Variants in AFF2 observed in about 807,000 individuals in gnomAD.
AFF2 encodes the protein ALF transcription elongation factor 2, also known as AF4/FMR2 family member 2.
In AFF2, 14 loss-of-function variants were observed where a neutral mutation model predicts 76.9. That is an observed-to-expected ratio of 0.18 (90% CI 0.12 to 0.28). The LOEUF is 0.28. Among genes scored for constraint, AFF2 ranks in the 10% least tolerant of loss-of-function variants. The pLI, the probability that AFF2 is intolerant of heterozygous loss-of-function variation, is 1.00. For synonymous variants in AFF2, 398 were observed against 366.7 expected (o/e 1.09, Z -0.98); for missense variants, 868 against 1,001.1 (o/e 0.87, Z 1.79).
chrX:148,834,661 T>A (rs1174426690), intron 4 of AFF2, among the ~76,000 whole-genome samples: 4 of 111,324 alleles, frequency 3.6e-5, no homozygotes, highest in African/African-American at 1.3e-4. Context: ...GGCTCATCCC[T>A]ACCTGATGAC....
At chrX:148,901,255 C>T (rs1235999759) in intron 8 of AFF2, among the ~76,000 whole-genome samples, 2 of 111,675 alleles carry the variant, frequency 1.8e-5, no homozygotes, top group Non-Finnish European at 3.8e-5. Flanking sequence ...TCTCATCACA[C>T]CATACTGGAG....
chrX:148,588,853 C>A (rs1310576274), intron 1 of AFF2, among the ~76,000 whole-genome samples: 1 of 111,533 alleles, frequency 9.0e-6, no homozygotes, highest in Non-Finnish European at 1.9e-5. Flanking sequence ...ACTTGTAGAA[C>A]CGCAAAAACA....
At chrX:148,549,946 C>T (rs782063037) in intron 1 of AFF2, among the ~76,000 whole-genome samples, 183 of 111,656 alleles carry the variant, frequency 1.6e-3, no homozygotes, top group Non-Finnish European at 1.9e-3. Flanking sequence ...AGATTTCTCC[C>T]GCCCCATACA....
At chrX:148,700,689 G>GTT (rs1177379449) in intron 3 of AFF2, among the ~76,000 whole-genome samples, 1 of 110,587 alleles carries the variant, frequency 9.0e-6, no homozygotes, top group East Asian at 2.8e-4. Flanking sequence ...TGTTGTTGTT[G>GTT]TTGTTTAGAA....
At chrX:148,970,339 A>T (rs2124394466) in intron 15 of AFF2, among the ~76,000 whole-genome samples, 1 of 112,206 alleles carries the variant, frequency 8.9e-6, no homozygotes, top group African/African-American at 3.2e-5. Flanking sequence ...TTATAGTTGT[A>T]CTTAATCCTT....
chrX:148,549,641 G>A (rs1375355952), intron 1 of AFF2, among the ~76,000 whole-genome samples: 1 of 111,587 alleles, frequency 9.0e-6, no homozygotes, highest in East Asian at 2.8e-4. Context: ...ATTTACAGAG[G>A]GATTAGTGAG....
chrX:148,814,395 T>C (rs1404124796), intron 4 of AFF2, among the ~76,000 whole-genome samples: 1 of 112,342 alleles, frequency 8.9e-6, no homozygotes, highest in Non-Finnish European at 1.9e-5. Context: ...ATCAAGAAAC[T>C]ATGAAATCCT....
chrX:148,681,961 A>G (rs1557259994), intron 3 of AFF2, among the ~76,000 whole-genome samples: 1 of 112,126 alleles, frequency 8.9e-6, no homozygotes, highest in Admixed American at 9.5e-5. Flanking sequence ...GCACAAAAGC[A>G]TGCATAATAA....
chrX:148,535,816 G>A (rs1330869231), intron 1 of AFF2, among the ~76,000 whole-genome samples: 3 of 111,099 alleles, frequency 2.7e-5, no homozygotes, highest in Non-Finnish European at 5.7e-5. Context: ...ATTTTATGAT[G>A]GTGTGACTCA....
At chrX:148,588,955 C>G (rs1403448623) in intron 1 of AFF2, among the ~76,000 whole-genome samples, 2 of 110,784 alleles carry the variant, frequency 1.8e-5, no homozygotes, top group Admixed American at 1.9e-4. Context: ...TGCCATGGAT[C>G]CATATGGCAT....
chrX:148,502,931 T>A (rs1557232051), intron 1 of AFF2, among the ~76,000 whole-genome samples: 1 of 112,778 alleles, frequency 8.9e-6, no homozygotes, highest in Admixed American at 9.3e-5. Context: ...AAAAAAATGA[T>A]AGGCTCCCTC....
At chrX:148,936,936 C>G (rs2124311181) in intron 9 of AFF2, among the ~76,000 whole-genome samples, 1 of 111,983 alleles carries the variant, frequency 8.9e-6, no homozygotes, top group African/African-American at 3.2e-5. Context: ...TACGGCAGGG[C>G]TGAAATACTC....
chrX:148,724,992 G>GT (rs35606549), intron 3 of AFF2, among the ~76,000 whole-genome samples: 1,966 of 110,730 alleles, frequency 0.018, 44 homozygotes, highest in African/African-American at 0.061. Flanking sequence ...CACACGGGTA[G>GT]TTTTTTTTGT....
At chrX:148,827,771 C>T (rs782105797) in intron 4 of AFF2, among the ~76,000 whole-genome samples, 1 of 112,090 alleles carries the variant, frequency 8.9e-6, no homozygotes, top group East Asian at 2.8e-4. Context: ...AGACCCTGTA[C>T]CGGGACCTAG....
In AFF2 at chrX:148,681,712, CAAAG is replaced by C. The variant is rs1432559098; in HGVS notation, c.1041+18951_1041+18954del. Among the ~76,000 whole-genome samples, 51 of 108,813 alleles carry C rather than the reference CAAAG, an allele frequency of 4.7e-4. No individual in the cohort carries two copies. In the East Asian group the frequency reaches 0.013, roughly 27 times the overall value. The allele number at this position is 108,813 out of a possible 115,157, so 94.5% of individuals were successfully genotyped here. On this transcript the variant is annotated intron_variant, in intron 3 of 20. Coordinates refer to ENST00000370460, the MANE Select transcript of AFF2 (RefSeq NM_002025.4). ...GAAAAAGAGAAAGAAAGAAAGAAAA[CAAAG>C]AAAGAAGGAAAGAAAGAAAGAAGAA...
chrX:148,536,703 T>C (rs781798280), intron 1 of AFF2, among the ~76,000 whole-genome samples: 31 of 112,350 alleles, frequency 2.8e-4, no homozygotes, highest in African/African-American at 9.7e-4. Flanking sequence ...CTAAGTCCGG[T>C]AAGGTTATTT....
chrX:148,987,221 A>T, intron 19 of AFF2, 146 bp from the exon 20 acceptor site: 2 of 494,845 alleles, frequency 4.0e-6, no homozygotes, highest in South Asian at 7.3e-5. Flanking sequence ...CTCCACTCTG[A>T]TGGGGCTTCA....
intron 9 of AFF2, among the ~76,000 whole-genome samples, chrX:148,941,093 G>T (rs73249448): frequency 8.9e-6 from 1 of 111,883 alleles, no homozygotes; most frequent in Non-Finnish European, 1.9e-5. Context: ...ATAGTCTTTG[G>T]CAAAGAATGG....
At chrX:148,987,659 T>A in intron 20 of AFF2, 102 bp downstream of exon 20, 1 of 727,757 alleles carries the variant, frequency 1.4e-6, no homozygotes, top group South Asian at 3.1e-5. Flanking sequence ...TCTTTCTGTC[T>A]CTCTGATTTC....
Sources: gnomAD v4.1 joint callset for allele counts (sites outside exome capture counted in the v4.1 genomes callset) on GRCh38, gnomAD v4.1.1 for gene constraint, MANE v1.5 for transcripts, NCBI Gene and HGNC (gene_info 2026-07-23, HGNC 2026-07-21) for gene names.